Variants in CAPN15 observed in about 807,000 individuals in gnomAD.
CAPN15 encodes calpain 15.
Under a neutral mutation model 97.9 loss-of-function variants are expected in CAPN15, and 53 were observed. The observed-to-expected ratio is 0.54, with a 90% CI of 0.43 to 0.68. The LOEUF (loss-of-function observed/expected upper bound fraction) is 0.68, where lower values mean the gene tolerates loss of function less well. CAPN15 is among the 30% of genes least tolerant of loss of function. The pLI is 0.00. For synonymous variants in CAPN15, 922 were observed against 722.5 expected (o/e 1.28, Z -4.43); for missense variants, 1,592 against 1,589.8 (o/e 1.00, Z -0.02).
At chr16:534,069 C>T (rs962654218) in intron 2 of CAPN15, 71 bp downstream of exon 2, 9 of 843,476 alleles carry the variant, frequency 1.1e-5, no homozygotes, top group African/African-American at 1.9e-5. Context: ...TGTGGAGCAG[C>T]AGGGTTGGAG....
chr16:553,537 G>A lies in CAPN15; in HGVS notation c.*21G>A, dbSNP rs754309501. ...TGTGACCACCATGCCTGGGGCAGGG[G>A]CTGTGCACAGACGGACCCCCCACCC... On this transcript the variant is annotated 3_prime_UTR_variant, in exon 14 of 14. Transcript: ENST00000219611. 3 of 1,570,408 alleles carry A rather than the reference G, an allele frequency of 1.9e-6. No individual in the cohort carries two copies. The highest frequency in any genetic ancestry group is 1.1e-5 in the South Asian group (1 of 88,040).
At chr16:540,312 C>T (rs763715598) in intron 3 of CAPN15, 147 of 985,482 alleles carry the variant, frequency 1.5e-4, no homozygotes, top group African/African-American at 6.8e-4. Context: ...CAGGGGGGCC[C>T]GTCTGGGGAG....
chr16:547,909 C>T lies in CAPN15; in HGVS notation c.1071C>T (p.Ala357=). Residue 357 remains alanine (A), a synonymous_variant, in exon 4 of 14, where the codon GCC becomes GCT. Transcript: ENST00000219611. The stretch of plus-strand genomic sequence containing the variant: ...GCACGCTCAGAAACCCCACAGTGGC[C>T]CCCAGGTGCTCGGCCTGCGGCTGCT... The part of the protein sequence containing the change: ...AKCTLRNPTV[A]PRCSACGCSK... 3 of 1,609,706 alleles carry T rather than the reference C, an allele frequency of 1.9e-6. No homozygotes were observed. Among genetic ancestry groups the T allele is most frequent in the Non-Finnish European group, 2.5e-6 (3 of 1,178,574 alleles).
At chr16:539,791 C>T (rs1369903480) in intron 3 of CAPN15, 1 of 152,346 alleles carries the variant, frequency 6.6e-6, no homozygotes, top group Admixed American at 6.5e-5. Flanking sequence ...TCTCTTGACC[C>T]TTCCTTCTGT....
rs924532467 is a variant in CAPN15, at chr16:553,744, G to A, written c.*228G>A. ...TCCTGGCCGCCACGCAGAATACCTC[G>A]AACCAGGCGGGCTGTGAACCAGCCC... is the stretch of plus-strand genomic sequence containing the variant. On this transcript the variant is annotated 3_prime_UTR_variant, in exon 14 of 14. Transcript: ENST00000219611. 10 of 431,642 alleles carry A rather than the reference G, an allele frequency of 2.3e-5. No individual in the cohort carries two copies. Among genetic ancestry groups the A allele is most frequent in the African/African-American group, 8.1e-5 (4 of 49,248 alleles). The allele number at this position is 431,642 out of a possible 1,614,324, so 26.7% of individuals were successfully genotyped here. A position where few individuals can be genotyped will look rare whatever the true frequency, so the allele number is the denominator to read the frequency against.
In CAPN15 at chr16:553,599, C is replaced by T. The variant is rs1227303804; in HGVS notation, c.*83C>T. 21 of 860,364 alleles carry T rather than the reference C, an allele frequency of 2.4e-5. No homozygotes were observed. Among genetic ancestry groups the T allele is most frequent in the East Asian group, 3.0e-5 (1 of 33,614 alleles). The allele number at this position is 860,364 out of a possible 1,614,324, so 53.3% of individuals were successfully genotyped here. On this transcript the variant is annotated 3_prime_UTR_variant, in exon 14 of 14. Transcript: ENST00000219611. Reference sequence around the variant, plus strand: ...TTATGAGGGAGACCCCGACAGAGGACGCTTGAGCCAGAATCTCAGGACCCC... The same window carrying T: ...TTATGAGGGAGACCCCGACAGAGGATGCTTGAGCCAGAATCTCAGGACCCC...
chr16:543,021 A>C (rs2034251555), intron 3 of CAPN15, among the ~76,000 whole-genome samples: 1 of 152,132 alleles, frequency 6.6e-6, no homozygotes, highest in Non-Finnish European at 1.5e-5. Flanking sequence ...ACTGCACTCC[A>C]GTGTGGGCGA....
At chr16:543,723 C>A (rs891821225) in intron 3 of CAPN15, among the ~76,000 whole-genome samples, 1 of 152,176 alleles carries the variant, frequency 6.6e-6, no homozygotes, top group Non-Finnish European at 1.5e-5. Flanking sequence ...CCTCCACACG[C>A]GGAGCCCTCC....
In CAPN15 at chr16:535,780, C is replaced by T. The variant is rs909154978; in HGVS notation, c.-136-249C>T. ...CACGGCTCCTGCTGGTTCCCATTCG[C>T]GAGCACCTGAAACAGCCTGGCCCAC... On this transcript the variant is annotated intron_variant, in intron 2 of 13. Transcript: ENST00000219611. This position sits in a 1 kb window ranked among gnomAD's most constrained non-coding sequence, Gnocchi z 6.2. Among the ~76,000 whole-genome samples, 1 of 152,146 alleles carries T rather than the reference C, an allele frequency of 6.6e-6. No individual in the cohort carries two copies. Among genetic ancestry groups the T allele is most frequent in the Non-Finnish European group, 1.5e-5 (1 of 68,008 alleles).
chr16:548,730 G>T (rs1422481836), intron 4 of CAPN15, among the ~76,000 whole-genome samples: 5 of 152,216 alleles, frequency 3.3e-5, no homozygotes, highest in Non-Finnish European at 5.9e-5. Context: ...CCAGAGTCGT[G>T]CTGCCACCCA....
Position 552,257 on chromosome 16 carries a change from C to T in CAPN15, c.2508-44C>T, listed in dbSNP as rs752881938. ...ATCGGGCTGGGCTGGGCTAGGCTGG[C>T]GGCCGTGACCACGCGTGACCCTGGC... On this transcript the variant is annotated intron_variant, in intron 10 of 13. Coordinates refer to ENST00000219611, the MANE Select transcript of CAPN15 (RefSeq NM_005632.3). This position sits in a 1 kb window ranked among gnomAD's most constrained non-coding sequence, Gnocchi z 6.4. 55 of 1,533,974 alleles carry T rather than the reference C, an allele frequency of 3.6e-5. No homozygotes were observed. The highest frequency in any genetic ancestry group is 1.7e-4 in the Middle Eastern group (1 of 5,750).
At chr16:540,123 C>T (rs1037380339) in intron 3 of CAPN15, 20 of 985,344 alleles carry the variant, frequency 2.0e-5, no homozygotes, top group Admixed American at 6.1e-5. Flanking sequence ...CTCCATGCTC[C>T]GCTTCGCCCG....
chr16:547,765 C>T lies in CAPN15; in HGVS notation c.927C>T (p.Arg309=), dbSNP rs1289275195. ...EEEATEGGTS[R]VEAGSSTSGS... is the part of the protein sequence containing the mutation. ...AGGCCACGGAGGGTGGCACCAGCCGCGTAGAGGCCGGCAGCTCCACCTCGG... is the reference window on the plus strand; with the variant it reads ...AGGCCACGGAGGGTGGCACCAGCCGTGTAGAGGCCGGCAGCTCCACCTCGG... The change falls in exon 4 of 14, where the codon CGC becomes CGT. Residue 309 remains arginine, a synonymous_variant. Coordinates refer to ENST00000219611, the MANE Select transcript of CAPN15 (RefSeq NM_005632.3). The T allele has an allele frequency of 4.1e-5, 66 of 1,610,066 alleles. No homozygotes were observed. Among genetic ancestry groups the T allele is most frequent in the Non-Finnish European group, 5.4e-5 (64 of 1,178,426 alleles).
In CAPN15 at chr16:546,849, T is replaced by C; in HGVS notation, c.11T>C (p.Val4Ala). MAT[V>A]GEWSCVRCTF... ...CACTCGCCCGGGTCTATGGCCACGG[T>C]CGGAGAGTGGTCCTGTGTGCGCTGC... The change falls in exon 4 of 14, where the codon GTC (valine) becomes GCC (alanine). Residue 4 changes from valine to alanine, a missense_variant. Coordinates refer to ENST00000219611, the MANE Select transcript of CAPN15 (RefSeq NM_005632.3). The C allele has an allele frequency of 1.2e-6, 2 of 1,607,486 alleles. No individual in the cohort carries two copies. The highest frequency in any genetic ancestry group is 1.7e-6 in the Non-Finnish European group (2 of 1,176,682).
At chr16:534,713 A>G (rs2033569575) in intron 2 of CAPN15, among the ~76,000 whole-genome samples, 1 of 152,148 alleles carries the variant, frequency 6.6e-6, no homozygotes, top group African/African-American at 2.4e-5. Context: ...TGGTGGGTGC[A>G]GTTTTAGGGC....
Position 549,619 on chromosome 16 carries a change from A to G in CAPN15, c.1847A>G (p.Gln616Arg), listed in dbSNP as rs1319061663. Residue 616 changes from glutamine (Q) to arginine (R), a missense_variant, in exon 7 of 14, where the codon CAG becomes CGG. Coordinates refer to ENST00000219611, the MANE Select transcript of CAPN15 (RefSeq NM_005632.3). ...EAGCLLFSQA[Q>R]RKQLWVALIE... ...CTCTGACCCGGCCCTCTGCAGGCGC[A>G]GCGGAAGCAGCTGTGGGTGGCCCTC... 1 of 1,542,046 alleles carries G rather than the reference A, an allele frequency of 6.5e-7. No homozygotes were observed.
chr16:553,119 G>GCC (rs1359379553), intron 13 of CAPN15, 78 bp downstream of exon 13: 34 of 618,462 alleles, frequency 5.5e-5, no homozygotes, highest in Middle Eastern at 5.1e-4. Flanking sequence ...CCCAACTCGT[G>GCC]CCCCCCCACC....
chr16:549,108 A>C lies in CAPN15; in HGVS notation c.1565A>C (p.Asn522Thr). ...CAGTGGCTGCGACCCCAGGAGATCA[A>C]CTGCTCCGTCTTCAGGGACCACAGG... ...VRQWLRPQEINCSVFRDHRAT... is the reference protein window; with the variant it reads ...VRQWLRPQEITCSVFRDHRAT... Residue 522 changes from asparagine to threonine, a missense_variant, in exon 5 of 14, where the codon AAC (asparagine) becomes ACC (threonine). Asn to Thr is a moderately conservative substitution (Grantham distance 65). Around this residue, in one of 3 missense-constraint regions of CAPN15, gnomAD observed 883 missense variants for 776.6 expected, o/e 1.14. Coordinates refer to ENST00000219611, the MANE Select transcript of CAPN15 (RefSeq NM_005632.3). 1 of 1,612,484 alleles carries C rather than the reference A, an allele frequency of 6.2e-7. No individual in the cohort carries two copies. The highest frequency in any genetic ancestry group is 8.5e-7 in the Non-Finnish European group (1 of 1,179,948).
intron 8 of CAPN15, 39 bp from the exon 9 acceptor site, chr16:551,473 G>T (rs374971860): frequency 7.5e-6 from 12 of 1,601,062 alleles, no homozygotes; most frequent in Non-Finnish European, 1.0e-5. Context: ...GGTGAGACTC[G>T]GGCAGTGTGG....
Sources: allele counts gnomAD v4.1 joint callset (sites outside exome capture counted in the v4.1 genomes callset), GRCh38; gene constraint gnomAD v4.1.1; regional missense constraint gnomAD v4.1.1; non-coding constraint Gnocchi (gnomAD v3.1); transcripts MANE v1.5; gene names NCBI Gene and HGNC (gene_info 2026-07-23, HGNC 2026-07-21).